Variants in GLS observed in about 807,000 individuals in gnomAD.
GLS encodes the protein glutaminase kidney isoform, mitochondrial.
GLS carries 36 observed loss-of-function variants against 86.7 expected under a neutral mutation model. That is an observed-to-expected ratio of 0.42 (90% confidence interval 0.32 to 0.55). The LOEUF (loss-of-function observed/expected upper bound fraction) is 0.55. Among genes scored for constraint, GLS ranks in the 20% least tolerant of loss-of-function variants. The probability of loss-of-function intolerance (pLI) is 0.17; values close to 1 mark genes in which losing one functional copy is unlikely to be tolerated. For missense variants in GLS, 528 were observed against 833.4 expected, an observed-to-expected ratio of 0.63 and a Z score of 4.51; for synonymous variants, 317 against 305.9, an observed-to-expected ratio of 1.04 and a Z score of -0.38.
At chr2:190,886,665 C>A (rs897740329) in intron 1 of GLS, among the ~76,000 whole-genome samples, 1 of 152,108 alleles carries the variant, frequency 6.6e-6, no homozygotes, top group African/African-American at 2.4e-5. Flanking sequence ...CCCGTAATCC[C>A]AGCACTTTGG....
rs536104653 is a variant in GLS at position 190,885,976 on chromosome 2, C to T, written c.386+4506C>T. ...CAACCTCTGCCTCCTGGGTTCAAGT[C>T]GTTCTCCTGCCTCAGCCCCCCATGT... On this transcript the variant is annotated intron_variant, in intron 1 of 17. Transcript: ENST00000320717. Among the ~76,000 whole-genome samples, 15 of 151,854 alleles carry T rather than the reference C, an allele frequency of 9.9e-5. No homozygotes were observed. The South Asian group carries it at 2.3e-3, about 23-fold the overall frequency.
At chr2:190,926,032 G>T (rs1234071565) in intron 11 of GLS, among the ~76,000 whole-genome samples, 2 of 152,018 alleles carry the variant, frequency 1.3e-5, no homozygotes, top group Non-Finnish European at 2.9e-5. Context: ...CTACTGTAAT[G>T]TGACATTTCT....
intron 1 of GLS, among the ~76,000 whole-genome samples, chr2:190,886,596 GTTTC>G (rs1268544979): frequency 2.0e-5 from 3 of 152,154 alleles, no homozygotes; most frequent in African/African-American, 7.2e-5. Context: ...ATATTTGTGG[GTTTC>G]TTTGAGTTTT....
rs1553572209 is a variant in GLS, at chr2:190,880,912, G to GCAGCAC, written c.-168_-167insCCAGCA. Reference sequence around the variant, plus strand: ...AGCAGCAGCAGCAGCAGCAGCAGCAGCAGCAGCACCCGCATCCGCTGCGGG... The same window carrying GCAGCAC: ...AGCAGCAGCAGCAGCAGCAGCAGCAGCAGCACCAGCAGCACCCGCATCCGCTGCGGG... On this transcript the variant is annotated 5_prime_UTR_variant, in exon 1 of 18. Coordinates refer to ENST00000320717, the MANE Select transcript of GLS (RefSeq NM_014905.5). 1.3e-4 allele frequency: 124 copies of GCAGCAC among 946,798 alleles called. 6 individuals carry two copies. The highest frequency in any genetic ancestry group is 1.1e-3 in the South Asian group (79 of 70,556). The allele number at this position is 946,798 out of a possible 1,614,324, so 58.6% of individuals were successfully genotyped here. A position where few individuals can be genotyped will look rare whatever the true frequency, so the allele number is the denominator to read the frequency against.
chr2:190,888,611 T>C (rs1688465493), intron 1 of GLS, among the ~76,000 whole-genome samples: 1 of 152,166 alleles, frequency 6.6e-6, no homozygotes, highest in Admixed American at 6.5e-5. Flanking sequence ...CTGCAAACAA[T>C]AGGTAAATAG....
At chr2:190,961,947 A>T (rs1420961077) in intron 17 of GLS, among the ~76,000 whole-genome samples, 1 of 152,216 alleles carries the variant, frequency 6.6e-6, no homozygotes, top group Non-Finnish European at 1.5e-5. Flanking sequence ...ATCATCAGCC[A>T]TGGAGAATTT....
chr2:190,906,204 A>T (rs1382702902), intron 6 of GLS, among the ~76,000 whole-genome samples: 1 of 152,180 alleles, frequency 6.6e-6, no homozygotes, highest in Non-Finnish European at 1.5e-5. Flanking sequence ...ATTGACATCT[A>T]GATTTAATAT....
chr2:190,944,008 T>C (rs1449165648), intron 14 of GLS, among the ~76,000 whole-genome samples: 1 of 152,172 alleles, frequency 6.6e-6, no homozygotes, highest in Non-Finnish European at 1.5e-5. Context: ...ATTTGAGGCA[T>C]GCTAAGAGAA....
rs1574601983 is a variant in GLS at position 190,927,607 on chromosome 2, A to G, written c.1425+125A>G. The G allele has an allele frequency of 7.2e-5, 47 of 653,132 alleles. 2 individuals are homozygous for G. The South Asian group carries it at 9.3e-4, about 13-fold the overall frequency. The allele number at this position is 653,132 out of a possible 1,614,324, so 40.5% of individuals were successfully genotyped here. On this transcript the variant is annotated intron_variant, in intron 12 of 17. Coordinates refer to ENST00000320717, the MANE Select transcript of GLS (RefSeq NM_014905.5). Reference sequence around the variant, plus strand: ...ATTTTTGAGAGAGAGGCTTGTTTTCAAGGTTAATTTGTTACAAGATTAGTA... The same window carrying G: ...ATTTTTGAGAGAGAGGCTTGTTTTCGAGGTTAATTTGTTACAAGATTAGTA...
intron 1 of GLS, among the ~76,000 whole-genome samples, chr2:190,884,817 C>T (rs1921913): frequency 1.3e-5 from 2 of 152,252 alleles, no homozygotes; most frequent in East Asian, 3.9e-4. Flanking sequence ...AATGAGGTCA[C>T]TTTCCCCTTC....
At chr2:190,916,073 T>C (rs946100142) in intron 7 of GLS, among the ~76,000 whole-genome samples, 1 of 152,162 alleles carries the variant, frequency 6.6e-6, no homozygotes, top group African/African-American at 2.4e-5. Context: ...AAATTAAAAA[T>C]CGGAAGAGAA....
chr2:190,933,983 A>C lies in GLS; in HGVS notation c.1650+2346A>C, dbSNP rs536042667. The C allele has an allele frequency of 2.3e-4, 218 of 945,050 alleles. No homozygotes were observed. In the African/African-American group the frequency reaches 3.6e-3, roughly 16 times the overall value. The allele number at this position is 945,050 out of a possible 1,614,324, so 58.5% of individuals were successfully genotyped here. On this transcript the variant is annotated intron_variant, in intron 14 of 17. Coordinates refer to ENST00000320717, the MANE Select transcript of GLS (RefSeq NM_014905.5). Reference sequence around the variant, plus strand: ...TTAAGAGAACTATAGATTCTACACAACCTGATTTCAAGTAATTATTCATAG... The same window carrying C: ...TTAAGAGAACTATAGATTCTACACACCCTGATTTCAAGTAATTATTCATAG...
chr2:190,888,789 T>C (rs1688470439), intron 1 of GLS, among the ~76,000 whole-genome samples: 1 of 152,208 alleles, frequency 6.6e-6, no homozygotes, highest in Non-Finnish European at 1.5e-5. Flanking sequence ...TGGATTTTTG[T>C]ATCTTGTATC....
chr2:190,903,817 G>T (rs1427751225), intron 5 of GLS, among the ~76,000 whole-genome samples: 1 of 152,098 alleles, frequency 6.6e-6, no homozygotes, highest in East Asian at 1.9e-4. Context: ...AGTTACACAT[G>T]AATAAATTTG....
chr2:190,948,387 A>G (rs1212615720), intron 14 of GLS, among the ~76,000 whole-genome samples: 2 of 152,184 alleles, frequency 1.3e-5, no homozygotes, highest in Non-Finnish European at 1.5e-5. Flanking sequence ...TAAACCAAGT[A>G]TATTCTAAAA....
chr2:190,950,274 T>C (rs1356783195), intron 14 of GLS, among the ~76,000 whole-genome samples: 1 of 151,958 alleles, frequency 6.6e-6, no homozygotes, highest in Non-Finnish European at 1.5e-5. Flanking sequence ...GCCTTTAGGG[T>C]CCTGAAAGCC....
At chr2:190,918,574 T>C (rs1230428772) in intron 7 of GLS, among the ~76,000 whole-genome samples, 1 of 152,176 alleles carries the variant, frequency 6.6e-6, no homozygotes, top group African/African-American at 2.4e-5. Flanking sequence ...TTTCCATCAT[T>C]TGCGTGTTCA....
At chr2:190,898,495 A>G (rs1324977648) in intron 3 of GLS, among the ~76,000 whole-genome samples, 1 of 152,168 alleles carries the variant, frequency 6.6e-6, no homozygotes, top group Admixed American at 6.5e-5. Flanking sequence ...ATGCAGTTAG[A>G]TACTCTCCTG....
At chr2:190,886,315 A>G (rs914995418) in intron 1 of GLS, among the ~76,000 whole-genome samples, 7 of 152,192 alleles carry the variant, frequency 4.6e-5, no homozygotes, top group Non-Finnish European at 1.0e-4. Context: ...CATGCTGTTA[A>G]TTTATAGTTT....
Sources: gnomAD v4.1 joint callset for allele counts (sites outside exome capture counted in the v4.1 genomes callset) on GRCh38, gnomAD v4.1.1 for gene constraint, MANE v1.5 for transcripts, NCBI Gene and HGNC (gene_info 2026-07-23, HGNC 2026-07-21) for gene names.